Variants in LRRTM4 observed in about 807,000 individuals in gnomAD.
The protein encoded by LRRTM4 is leucine rich repeat transmembrane neuronal 4.
In LRRTM4, 25 loss-of-function variants were observed where a neutral mutation model predicts 47.6. That is an observed-to-expected ratio of 0.53 (90% CI 0.38 to 0.73). The LOEUF (loss-of-function observed/expected upper bound fraction) is 0.73. Ranked by LOEUF, LRRTM4 falls within the 30% of genes least tolerant of loss-of-function variation. The probability of loss-of-function intolerance (pLI) is 0.00; values close to 1 mark genes in which losing one functional copy is unlikely to be tolerated. For synonymous variants in LRRTM4, 311 were observed against 269.5 expected (o/e 1.15, Z -1.51); for missense variants, 638 against 713.4 (o/e 0.89, Z 1.20).
chr2:77,490,343 T>C (rs1361891192), intron 3 of LRRTM4, among the ~76,000 whole-genome samples: 2 of 152,060 alleles, frequency 1.3e-5, no homozygotes, highest in South Asian at 2.1e-4. Flanking sequence ...AAGAAAAGTG[T>C]TATAAAAGAA....
intron 3 of LRRTM4, among the ~76,000 whole-genome samples, chr2:77,453,666 T>C (rs1339383134): frequency 3.3e-5 from 5 of 152,202 alleles, no homozygotes; most frequent in African/African-American, 1.2e-4. Flanking sequence ...AAAGTAATGT[T>C]ATATTTTCCA....
intron 3 of LRRTM4, among the ~76,000 whole-genome samples, chr2:77,358,647 C>T (rs1284629836): frequency 6.6e-6 from 1 of 152,152 alleles, no homozygotes. Context: ...AAAATATGAA[C>T]TCTGAATGTA....
At chr2:77,202,891 G>A (rs1674015620) in intron 3 of LRRTM4, among the ~76,000 whole-genome samples, 1 of 151,970 alleles carries the variant, frequency 6.6e-6, no homozygotes. Context: ...AGAATGTATG[G>A]GAACAGGAGG....
intron 3 of LRRTM4, among the ~76,000 whole-genome samples, chr2:77,360,476 TGATAC>T (rs138905032): frequency 0.23 from 28,155 of 121,780 alleles, 4,000 homozygotes; most frequent in East Asian, 0.36. Flanking sequence ...CAATACGATA[TGATAC>T]GATACGATAC....
At chr2:76,794,414 C>T (rs966117669) in intron 3 of LRRTM4, among the ~76,000 whole-genome samples, 2 of 152,214 alleles carry the variant, frequency 1.3e-5, no homozygotes, top group Admixed American at 6.5e-5. Flanking sequence ...TATGACTAAT[C>T]GGCTTTACCA....
At chr2:77,132,188 C>G (rs971098388) in intron 3 of LRRTM4, among the ~76,000 whole-genome samples, 1 of 152,132 alleles carries the variant, frequency 6.6e-6, no homozygotes, top group South Asian at 2.1e-4. Flanking sequence ...ATTCTACTCC[C>G]TACCTTCATA....
chr2:77,137,435 G>A (rs928048491), intron 3 of LRRTM4, among the ~76,000 whole-genome samples: 8 of 151,866 alleles, frequency 5.3e-5, no homozygotes, highest in Non-Finnish European at 2.9e-5. Context: ...GAGAGATTTT[G>A]TCACCACCAG....
At chr2:77,262,989 G>A (rs575140919) in intron 3 of LRRTM4, among the ~76,000 whole-genome samples, 4 of 152,168 alleles carry the variant, frequency 2.6e-5, no homozygotes, top group African/African-American at 9.6e-5. Flanking sequence ...CCAAGGGAAC[G>A]AATCTTAGGA....
At chr2:77,282,317 A>G (rs1051034388) in intron 3 of LRRTM4, among the ~76,000 whole-genome samples, 1 of 151,876 alleles carries the variant, frequency 6.6e-6, no homozygotes, top group African/African-American at 2.4e-5. Flanking sequence ...GAAGTTGTTT[A>G]TCATTTATAG....
chr2:77,083,405 T>C (rs1415118510), intron 3 of LRRTM4, among the ~76,000 whole-genome samples: 1 of 152,142 alleles, frequency 6.6e-6, no homozygotes, highest in Non-Finnish European at 1.5e-5. Flanking sequence ...CAACATAAGA[T>C]GTGCCATAGA....
chr2:77,091,273 G>C (rs1471777508), intron 3 of LRRTM4, among the ~76,000 whole-genome samples: 1 of 149,096 alleles, frequency 6.7e-6, no homozygotes, highest in Admixed American at 6.7e-5. Context: ...ACAAGTATAA[G>C]ATACCTCTAC....
intron 3 of LRRTM4, among the ~76,000 whole-genome samples, chr2:76,950,906 CTTCAAATAAACCAGACAGATGCA>C: frequency 6.6e-6 from 1 of 152,016 alleles, no homozygotes; most frequent in Non-Finnish European, 1.5e-5. Flanking sequence ...GACAATGTGT[CTTCAAATAAACCAGACAGATGCA>C]TTCACGTGCA....
At chr2:76,762,149 T>C (rs773094127) in intron 3 of LRRTM4, among the ~76,000 whole-genome samples, 1 of 152,216 alleles carries the variant, frequency 6.6e-6, no homozygotes, top group Non-Finnish European at 1.5e-5. Flanking sequence ...TGTACCCTCA[T>C]GGTCACATGC....
chr2:77,345,955 T>A (rs904763043), intron 3 of LRRTM4, among the ~76,000 whole-genome samples: 1 of 151,682 alleles, frequency 6.6e-6, no homozygotes, highest in Non-Finnish European at 1.5e-5. Flanking sequence ...TTGAAAACAG[T>A]CCAAATACCC....
intron 3 of LRRTM4, among the ~76,000 whole-genome samples, chr2:77,216,111 C>T (rs6710122): frequency 0.2 from 30,122 of 151,888 alleles, 5,755 homozygotes; most frequent in African/African-American, 0.49. Context: ...AGCAATACAA[C>T]TAATACTTGA....
chr2:77,174,008 C>T (rs1673125276), intron 3 of LRRTM4, among the ~76,000 whole-genome samples: 1 of 152,122 alleles, frequency 6.6e-6, no homozygotes, highest in Admixed American at 6.6e-5. Context: ...TGGGTTTTAG[C>T]CTTGGAGTAT....
At chr2:77,392,238 T>C (rs1673532169) in intron 3 of LRRTM4, among the ~76,000 whole-genome samples, 1 of 151,974 alleles carries the variant, frequency 6.6e-6, no homozygotes, top group Non-Finnish European at 1.5e-5. Flanking sequence ...TTTCAACCAA[T>C]TGCCAATAAG....
intron 3 of LRRTM4, among the ~76,000 whole-genome samples, chr2:76,897,160 C>A (rs1673443975): frequency 6.6e-6 from 1 of 152,068 alleles, no homozygotes; most frequent in African/African-American, 2.4e-5. Flanking sequence ...GATGACAAGG[C>A]AAGCTTTCTG....
chr2:76,807,447 TATATATATATAC>T (rs1336491347), intron 3 of LRRTM4, among the ~76,000 whole-genome samples: 32 of 90,778 alleles, frequency 3.5e-4, no homozygotes, highest in African/African-American at 7.7e-4. Flanking sequence ...CGTATATACA[TATATATATATAC>T]ATATATATAT....
Sources: allele counts gnomAD v4.1 joint callset (sites outside exome capture counted in the v4.1 genomes callset), GRCh38; gene constraint gnomAD v4.1.1; transcripts MANE v1.5; gene names NCBI Gene and HGNC (gene_info 2026-07-23, HGNC 2026-07-21).